The following HYAL4 variants were observed in gnomAD, a reference collection of about 807,000 sequenced individuals.
HYAL4 encodes hyaluronidase 4.
A neutral mutation model predicts 35.2 loss-of-function variants in HYAL4; 37 were observed. The observed-to-expected ratio is 1.05, with a 90% CI of 0.81 to 1.38. The LOEUF is 1.38. Ranked by LOEUF, HYAL4 falls within the 40% of genes most tolerant of loss-of-function variation. The pLI is 0.00. For missense variants in HYAL4, 572 were observed against 572.4 expected, an observed-to-expected ratio of 1.00 and a Z score of 0.01; for synonymous variants, 198 against 203.2, an observed-to-expected ratio of 0.97 and a Z score of 0.22.
At chr7:123,868,125 A>G (rs1806734371) in intron 2 of HYAL4, 98 bp from the exon 3 acceptor site, 2 of 427,674 alleles carry the variant, frequency 4.7e-6, no homozygotes. Flanking sequence ...TTTAAGTGAT[A>G]CACTTTACAA....
At chr7:123,817,510 CTTTTT>C in the HYAL4 span, among the ~76,000 whole-genome samples, 1 of 122,172 alleles carries the variant, frequency 8.2e-6, no homozygotes, top group Non-Finnish European at 1.7e-5. Flanking sequence ...CATTCTTCTT[CTTTTT>C]TTTTTTTTTT....
chr7:123,783,355 C>A, the HYAL4 span, among the ~76,000 whole-genome samples: 1 of 152,048 alleles, frequency 6.6e-6, no homozygotes, highest in Non-Finnish European at 1.5e-5. Context: ...ATTTCTACTT[C>A]TCATCATATT....
At chr7:123,800,245 C>T in the HYAL4 span, among the ~76,000 whole-genome samples, 2 of 150,856 alleles carry the variant, frequency 1.3e-5, no homozygotes, top group African/African-American at 4.8e-5. Flanking sequence ...TCTCGGCTCA[C>T]TGCAAGCTCC....
At chr7:123,820,623 A>G in the HYAL4 span, among the ~76,000 whole-genome samples, 2 of 152,056 alleles carry the variant, frequency 1.3e-5, no homozygotes, top group East Asian at 3.8e-4. Context: ...TTTTATTATA[A>G]GAACACTTAA....
At chr7:123,784,862 T>C in the HYAL4 span, among the ~76,000 whole-genome samples, 1 of 152,162 alleles carries the variant, frequency 6.6e-6, no homozygotes, top group East Asian at 1.9e-4. Flanking sequence ...CTTTTGTTAC[T>C]GTACATATCT....
At chr7:123,798,264 G>A in the HYAL4 span, among the ~76,000 whole-genome samples, 2 of 152,154 alleles carry the variant, frequency 1.3e-5, no homozygotes, top group African/African-American at 2.4e-5. Flanking sequence ...GTGATTACAG[G>A]TCAGTTGTGG....
At chr7:123,810,964 T>C in the HYAL4 span, among the ~76,000 whole-genome samples, 1 of 152,232 alleles carries the variant, frequency 6.6e-6, no homozygotes, top group African/African-American at 2.4e-5. Context: ...GTAAGATGCT[T>C]ACTTAATTCT....
At chr7:123,787,107 CAAA>C in the HYAL4 span, among the ~76,000 whole-genome samples, 12 of 49,148 alleles carry the variant, frequency 2.4e-4, no homozygotes, top group Middle Eastern at 9.6e-3. Flanking sequence ...AACTCTGTCT[CAAA>C]AAAAAAAAAA....
the HYAL4 span, among the ~76,000 whole-genome samples, chr7:123,806,723 A>G: frequency 1.3e-5 from 2 of 151,908 alleles, no homozygotes; most frequent in African/African-American, 4.8e-5. Context: ...AAGTGCTGAG[A>G]TTACAGGCAT....
chr7:123,813,307 A>G, the HYAL4 span, among the ~76,000 whole-genome samples: 1 of 152,204 alleles, frequency 6.6e-6, no homozygotes, highest in Non-Finnish European at 1.5e-5. Context: ...GTTGGCTGGA[A>G]TGCATCAACT....
At chr7:123,865,300 G>A (rs918858155) in intron 2 of HYAL4, among the ~76,000 whole-genome samples, 2 of 152,058 alleles carry the variant, frequency 1.3e-5, no homozygotes, top group Admixed American at 6.6e-5. Context: ...TTAAAGAAAA[G>A]CTTCTTCCCC....
chr7:123,778,522 C>T, the HYAL4 span, among the ~76,000 whole-genome samples: 9 of 151,406 alleles, frequency 5.9e-5, no homozygotes, highest in Non-Finnish European at 1.0e-4. Flanking sequence ...TTTTTAAGAG[C>T]GTGGGCCTCT....
At chr7:123,850,627 G>C (rs907292327) in intron 2 of HYAL4, among the ~76,000 whole-genome samples, 18 of 152,144 alleles carry the variant, frequency 1.2e-4, no homozygotes, top group Non-Finnish European at 1.8e-4. Flanking sequence ...CTTTACCTAA[G>C]TACTAAGCAT....
At position 123,868,295 on chromosome 7, in the gene HYAL4, C is replaced by A; in HGVS notation, c.22C>A (p.Gln8Lys). The change falls in exon 3 of 5, where the codon CAG (glutamine) becomes AAG (lysine). Residue 8 changes from glutamine (Q) to lysine (K), a missense_variant. Gln to Lys is a moderately conservative substitution (Grantham distance 53). Transcript: ENST00000223026. MKVLSEG[Q>K]LKLCVVQPVH... ...TACCATGAAAGTATTATCTGAAGGACAGTTAAAGCTTTGTGTTGTTCAACC... is the reference window on the plus strand; with the variant it reads ...TACCATGAAAGTATTATCTGAAGGAAAGTTAAAGCTTTGTGTTGTTCAACC... 1 of 1,560,322 alleles carries A rather than the reference C, an allele frequency of 6.4e-7. No individual in the cohort carries two copies. Among genetic ancestry groups the A allele is most frequent in the Non-Finnish European group, 8.6e-7 (1 of 1,160,724 alleles).
chr7:123,795,566 A>G, the HYAL4 span, among the ~76,000 whole-genome samples: 5 of 152,100 alleles, frequency 3.3e-5, no homozygotes, highest in Admixed American at 3.3e-4. Context: ...TGATGGTTTT[A>G]TAAGGGGCTT....
the HYAL4 span, among the ~76,000 whole-genome samples, chr7:123,809,756 T>C: frequency 6.6e-6 from 1 of 152,126 alleles, no homozygotes; most frequent in Non-Finnish European, 1.5e-5. Flanking sequence ...ATCACCACCA[T>C]CCATCTCTAG....
At chr7:123,873,297 A>G (rs1232414544) in intron 3 of HYAL4, among the ~76,000 whole-genome samples, 1 of 152,154 alleles carries the variant, frequency 6.6e-6, no homozygotes, top group Non-Finnish European at 1.5e-5. Flanking sequence ...GACCTGTTCA[A>G]CAGATATTAT....
the HYAL4 span, among the ~76,000 whole-genome samples, chr7:123,788,941 A>C: frequency 6.6e-6 from 1 of 152,226 alleles, no homozygotes; most frequent in Non-Finnish European, 1.5e-5. Context: ...TTCTCTATCT[A>C]ATAAATATTC....
chr7:123,848,575 A>G (rs74400436), intron 2 of HYAL4, among the ~76,000 whole-genome samples: 1 of 152,258 alleles, frequency 6.6e-6, no homozygotes, highest in African/African-American at 2.4e-5. Flanking sequence ...ATAGGAACAC[A>G]TGACTTCATG....
Sources: allele counts gnomAD v4.1 joint callset (sites outside exome capture counted in the v4.1 genomes callset), GRCh38; gene constraint gnomAD v4.1.1; transcripts MANE v1.5; gene names NCBI Gene and HGNC (gene_info 2026-07-23, HGNC 2026-07-21).